SDAD1: variants seen among roughly 807,000 people sequenced by gnomAD.
SDAD1 encodes the protein protein SDA1 homolog.
Under a neutral mutation model 100.3 loss-of-function variants are expected in SDAD1, and 79 were observed. The observed-to-expected ratio is 0.79, with a 90% CI of 0.66 to 0.95. The LOEUF is 0.95. Among genes scored for constraint, SDAD1 ranks in the 40% least tolerant of loss-of-function variants. SDAD1 has a pLI of 0.00. For missense variants in SDAD1, 790 were observed against 810.9 expected (o/e 0.97, Z 0.31); for synonymous variants, 267 against 271.4 (o/e 0.98, Z 0.16).
chr4:75,977,322 A>T (rs1264293607), intron 4 of SDAD1, among the ~76,000 whole-genome samples: 2 of 152,168 alleles, frequency 1.3e-5, no homozygotes, highest in Admixed American at 1.3e-4. Flanking sequence ...CACCACTAAG[A>T]AGCAGTGTGA....
At chr4:75,972,633 A>G (rs909544884) in intron 8 of SDAD1, among the ~76,000 whole-genome samples, 2 of 126,644 alleles carry the variant, frequency 1.6e-5, no homozygotes, top group African/African-American at 6.1e-5. Flanking sequence ...CCAAAACACT[A>G]AAATGGGGAA....
intron 1 of SDAD1, among the ~76,000 whole-genome samples, chr4:75,983,027 A>C (rs1291630986): frequency 1.3e-5 from 2 of 151,076 alleles, no homozygotes; most frequent in Non-Finnish European, 2.9e-5. Flanking sequence ...CCCACTTATG[A>C]GTGAGAACAT....
intron 21 of SDAD1, among the ~76,000 whole-genome samples, chr4:75,954,917 T>C (rs556230440): frequency 2.0e-4 from 31 of 152,282 alleles, no homozygotes; most frequent in African/African-American, 6.7e-4. Flanking sequence ...TAAACGCCCT[T>C]ATCTTGCCAC....
intron 3 of SDAD1, among the ~76,000 whole-genome samples, chr4:75,978,956 G>C (rs538355538): frequency 8.2e-6 from 1 of 122,010 alleles, no homozygotes; most frequent in East Asian, 3.1e-4. Flanking sequence ...TCCAGCCTGG[G>C]CAGCTGAGTG....
At chr4:75,986,820 T>C (rs907324419) in intron 1 of SDAD1, among the ~76,000 whole-genome samples, 6 of 152,154 alleles carry the variant, frequency 3.9e-5, no homozygotes, top group African/African-American at 1.4e-4. Flanking sequence ...TGGTTTCAGC[T>C]TGGAGACCAG....
chr4:75,969,877 A>G (rs1158573148), intron 10 of SDAD1, among the ~76,000 whole-genome samples: 1 of 152,148 alleles, frequency 6.6e-6, no homozygotes, highest in Non-Finnish European at 1.5e-5. Context: ...AACAGGACCC[A>G]AGCATCAGTA....
At chr4:75,964,321 C>G (rs962711316) in intron 13 of SDAD1, 110 bp from the exon 14 acceptor site, 1 of 739,128 alleles carries the variant, frequency 1.4e-6, no homozygotes, top group African/African-American at 1.9e-5. Context: ...AGCCTTCCAC[C>G]TTCAGTTTAG....
intron 7 of SDAD1, among the ~76,000 whole-genome samples, chr4:75,973,631 G>A (rs1014678793): frequency 1.3e-5 from 2 of 151,974 alleles, no homozygotes; most frequent in Non-Finnish European, 1.5e-5. Context: ...CAAGACTGTC[G>A]AGAATTTCTA....
At chr4:75,968,290 T>G (rs759273260) in intron 11 of SDAD1, among the ~76,000 whole-genome samples, 9 of 152,152 alleles carry the variant, frequency 5.9e-5, no homozygotes, top group Non-Finnish European at 1.0e-4. Flanking sequence ...TGTTAACAGG[T>G]TTTTCTCAGA....
At chr4:75,987,926 C>G (rs1056770087) in intron 1 of SDAD1, among the ~76,000 whole-genome samples, 1 of 152,212 alleles carries the variant, frequency 6.6e-6, no homozygotes, top group Non-Finnish European at 1.5e-5. Context: ...CAGAACACCT[C>G]CTGGTTTTCC....
rs138792182 is a variant in SDAD1, at chr4:75,957,874, G to A, written c.1551C>T (p.His517=). 2.6e-5 allele frequency: 42 copies of A among 1,613,866 alleles called. 1 individual carries two copies. The South Asian group carries it at 4.4e-4, about 17-fold the overall frequency. ...DADGEWIDVQ[H]SSDEEQQEIS... is the part of the protein sequence containing the mutation. ...TTTCTTGCTGTTCTTCATCGGAAGA[G>A]TGTTGCACATCAATCCATTCACCAT... The change falls in exon 18 of 22, where the codon CAC becomes CAT. Residue 517 remains histidine, a synonymous_variant. Transcript: ENST00000356260.
chr4:75,987,079 C>T (rs1039056881), intron 1 of SDAD1, among the ~76,000 whole-genome samples: 2 of 152,178 alleles, frequency 1.3e-5, no homozygotes, highest in African/African-American at 4.8e-5. Flanking sequence ...TTTCTCTCTT[C>T]AGAAAAAGTC....
intron 8 of SDAD1, 126 bp downstream of exon 8, chr4:75,973,167 CAAGTAGAGTAAAATAGCATGGCAG>C: frequency 1.7e-6 from 1 of 577,262 alleles, no homozygotes; most frequent in South Asian, 2.7e-5. Context: ...TGACAAATTC[CAAGTAGAGTAAAATAGCATGGCAG>C]AATTCAATAA....
At chr4:75,970,479 A>T (rs1729807708) in intron 9 of SDAD1, 101 bp from the exon 10 acceptor site, 1 of 770,816 alleles carries the variant, frequency 1.3e-6, no homozygotes, top group African/African-American at 1.8e-5. Context: ...TAGACTCTTT[A>T]AAAAGAAAAA....
At chr4:75,967,125 T>A (rs1030039442) in intron 12 of SDAD1, 152 bp downstream of exon 12, 2 of 684,364 alleles carry the variant, frequency 2.9e-6, no homozygotes, top group East Asian at 2.7e-5. Context: ...GACAAACCCA[T>A]AGCAAACTCT....
chr4:75,971,583 CT>C, intron 8 of SDAD1, 125 bp from the exon 9 acceptor site: 1 of 722,564 alleles, frequency 1.4e-6, no homozygotes, highest in Non-Finnish European at 2.3e-6. Flanking sequence ...ATGAATACTA[CT>C]TTTAGACTGG....
chr4:75,971,506 T>A (rs370990312), intron 8 of SDAD1, 48 bp from the exon 9 acceptor site: 5 of 1,372,646 alleles, frequency 3.6e-6, no homozygotes, highest in Non-Finnish European at 5.2e-6. Flanking sequence ...AAAATCTGCA[T>A]AGAATGAAAG....
intron 11 of SDAD1, among the ~76,000 whole-genome samples, chr4:75,967,868 G>A (rs893608250): frequency 3.3e-4 from 40 of 120,270 alleles, no homozygotes; most frequent in African/African-American, 1.0e-3. Flanking sequence ...ATAATTCAGA[G>A]GGAAAACGTT....
At chr4:75,952,156 C>G (rs1728658089) in intron 21 of SDAD1, among the ~76,000 whole-genome samples, 1 of 152,178 alleles carries the variant, frequency 6.6e-6, no homozygotes, top group Non-Finnish European at 1.5e-5. Context: ...TTTCCAGATT[C>G]ATCTAATTCT....
Sources: allele counts gnomAD v4.1 joint callset (sites outside exome capture counted in the v4.1 genomes callset), GRCh38; gene constraint gnomAD v4.1.1; transcripts MANE v1.5; gene names NCBI Gene and HGNC (gene_info 2026-07-23, HGNC 2026-07-21).